The following C1QTNF7 variants were observed in gnomAD, a reference collection of about 807,000 sequenced individuals.
C1QTNF7 encodes the protein complement C1q tumor necrosis factor-related protein 7.
Under a neutral mutation model 19.6 loss-of-function variants are expected in C1QTNF7, and 15 were observed. The observed-to-expected ratio is 0.76, with a 90% CI of 0.51 to 1.18. The LOEUF (loss-of-function observed/expected upper bound fraction) is 1.18. Among genes scored for constraint, C1QTNF7 ranks in the 50% most tolerant of loss-of-function variants. The probability of loss-of-function intolerance (pLI) is 0.00; values close to 1 mark genes in which losing one functional copy is unlikely to be tolerated. For missense variants in C1QTNF7, 324 were observed against 359.7 expected, an observed-to-expected ratio of 0.90 and a Z score of 0.80; for synonymous variants, 142 against 137.5, an observed-to-expected ratio of 1.03 and a Z score of -0.23.
At chr4:15,376,306 A>G (rs1717937284) in intron 1 of C1QTNF7, among the ~76,000 whole-genome samples, 1 of 152,242 alleles carries the variant, frequency 6.6e-6, no homozygotes, top group Non-Finnish European at 1.5e-5. Flanking sequence ...AAAGTAAGTT[A>G]TTCAAATTTG....
intron 1 of C1QTNF7, among the ~76,000 whole-genome samples, chr4:15,384,665 C>A (rs867373914): frequency 1.3e-5 from 2 of 152,196 alleles, no homozygotes; most frequent in South Asian, 4.1e-4. Context: ...GGGAGTTAAT[C>A]TAAACCATAG....
At position 15,442,776 on chromosome 4, in the gene C1QTNF7, A is replaced by C; in HGVS notation, c.847A>C (p.Ile283Leu). The change falls in exon 3 of 3, where the codon ATA becomes CTA. Residue 283 changes from isoleucine to leucine, a missense_variant. Ile to Leu is a conservative substitution (Grantham distance 5). Transcript: ENST00000444304. ...CGTTGACACAGATTACCTAGATTCC[A>C]TATCAGAAGATGATGAATTGTGATC... ...LYVDTDYLDS[I>L]SEDDEL 1 of 1,609,282 alleles carries C rather than the reference A, an allele frequency of 6.2e-7. No individual in the cohort carries two copies. Among genetic ancestry groups the C allele is most frequent in the Non-Finnish European group, 8.5e-7 (1 of 1,177,834 alleles).
At chr4:15,405,278 C>G (rs1719151072) in intron 1 of C1QTNF7, among the ~76,000 whole-genome samples, 1 of 152,128 alleles carries the variant, frequency 6.6e-6, no homozygotes, top group Admixed American at 6.6e-5. Context: ...GACATTGCAT[C>G]TGTGTCAGAG....
intron 1 of C1QTNF7, among the ~76,000 whole-genome samples, chr4:15,361,467 C>T (rs1422175364): frequency 6.6e-6 from 1 of 152,104 alleles, no homozygotes; most frequent in African/African-American, 2.4e-5. Context: ...ACATTAATCG[C>T]TTACATTGCT....
rs150846082 is a variant in C1QTNF7, at chr4:15,442,328, G to A, written c.399G>A (p.Pro133=). The A allele has an allele frequency of 4.3e-5, 70 of 1,614,052 alleles. No homozygotes were observed. The African/African-American group carries it at 5.7e-4, about 13-fold the overall frequency. ...PKGDRGEQGD[P]GLPGVCRCGS... Reference sequence around the variant, plus strand: ...GAGACAGAGGAGAACAAGGGGACCCGGGGCTGCCTGGAGTTTGCAGATGTG... The same window carrying A: ...GAGACAGAGGAGAACAAGGGGACCCAGGGCTGCCTGGAGTTTGCAGATGTG... The change falls in exon 3 of 3, where the codon CCG becomes CCA. Residue 133 remains proline, a synonymous_variant. Transcript: ENST00000444304.
chr4:15,442,915 C>A lies in C1QTNF7; in HGVS notation c.*116C>A. The stretch of plus-strand genomic sequence containing the variant: ...ACTCAGATTCTAAAGCATTTAAAGA[C>A]AATTCTAGCAGAATTTATCAAAACA... On this transcript the variant is annotated 3_prime_UTR_variant, in exon 3 of 3. Coordinates refer to ENST00000444304, the MANE Select transcript of C1QTNF7 (RefSeq NM_031911.5). 8.9e-7 allele frequency: 1 copy of A among 1,122,350 alleles called. No individual in the cohort carries two copies. The highest frequency in any genetic ancestry group is 1.2e-6 in the Non-Finnish European group (1 of 810,480). 69.5% of individuals were successfully genotyped at this position (1,122,350 alleles called of 1,614,324 possible). A position where few individuals can be genotyped will look rare whatever the true frequency, so the allele number is the denominator to read the frequency against.
intron 1 of C1QTNF7, among the ~76,000 whole-genome samples, chr4:15,419,098 T>G (rs1577271174): frequency 1.3e-5 from 2 of 152,226 alleles, no homozygotes; most frequent in East Asian, 3.8e-4. Context: ...GTGGGGGAAC[T>G]TACATTCCCC....
intron 1 of C1QTNF7, among the ~76,000 whole-genome samples, chr4:15,356,919 C>T (rs1717164449): frequency 1.3e-5 from 2 of 148,244 alleles, no homozygotes; most frequent in African/African-American, 4.9e-5. Flanking sequence ...TGTTCATATC[C>T]TTCACACACT....
chr4:15,342,304 G>A (rs956758131), intron 1 of C1QTNF7, among the ~76,000 whole-genome samples: 1 of 152,182 alleles, frequency 6.6e-6, no homozygotes, highest in Non-Finnish European at 1.5e-5. Flanking sequence ...GCCAGGCTTA[G>A]TCCACGTTTC....
chr4:15,414,345 T>C (rs1215305146), intron 1 of C1QTNF7, among the ~76,000 whole-genome samples: 1 of 152,220 alleles, frequency 6.6e-6, no homozygotes, highest in Non-Finnish European at 1.5e-5. Flanking sequence ...GTAGAGGGTT[T>C]CTTTCTTTTT....
intron 1 of C1QTNF7, among the ~76,000 whole-genome samples, chr4:15,387,381 G>T (rs1047749318): frequency 1.3e-4 from 20 of 152,192 alleles, no homozygotes; most frequent in African/African-American, 4.8e-4. Context: ...TACAAGCCAT[G>T]TGGCTAGACA....
chr4:15,352,531 A>C (rs976099107), intron 1 of C1QTNF7, among the ~76,000 whole-genome samples: 1 of 152,220 alleles, frequency 6.6e-6, no homozygotes. Flanking sequence ...ATGGCCTCTG[A>C]ATAAAATGAA....
At chr4:15,340,930 G>A (rs1560334072) in intron 1 of C1QTNF7, among the ~76,000 whole-genome samples, 1 of 152,182 alleles carries the variant, frequency 6.6e-6, no homozygotes, top group East Asian at 1.9e-4. Context: ...TTGTTTTTCT[G>A]TGCATTGGTC....
intron 1 of C1QTNF7, chr4:15,373,991 G>T (rs1434576639): frequency 6.6e-6 from 1 of 152,188 alleles, no homozygotes; most frequent in Non-Finnish European, 1.5e-5. Flanking sequence ...CCAAGCAAGG[G>T]TTACTATTAC....
In C1QTNF7 at chr4:15,445,853, TTAAGAAGA is replaced by T. The variant is rs1414644480; in HGVS notation, c.*3058_*3065del. On this transcript the variant is annotated 3_prime_UTR_variant, in exon 3 of 3. Transcript: ENST00000444304. ...TTGTTCTAGAAGAGTTTAAAGCCAC[TTAAGAAGA>T]TAAATAAGATATAAAAAGAAAACAG... The T allele has an allele frequency of 2.6e-5, 4 of 152,004 alleles. No homozygotes were observed. Among genetic ancestry groups the T allele is most frequent in the Non-Finnish European group, 4.4e-5 (3 of 68,028 alleles). 9.4% of individuals were successfully genotyped at this position (152,004 alleles called of 1,614,324 possible). A position where few individuals can be genotyped will look rare whatever the true frequency, so the allele number is the denominator to read the frequency against.
intron 1 of C1QTNF7, among the ~76,000 whole-genome samples, chr4:15,347,502 T>C (rs1344818082): frequency 6.6e-6 from 1 of 152,192 alleles, no homozygotes; most frequent in Admixed American, 6.5e-5. Flanking sequence ...ACCTAGGATA[T>C]GCATGCCCTC....
At chr4:15,418,740 C>T (rs1711584361) in intron 1 of C1QTNF7, among the ~76,000 whole-genome samples, 1 of 152,186 alleles carries the variant, frequency 6.6e-6, no homozygotes, top group Admixed American at 6.5e-5. Flanking sequence ...TGGCCTCAGG[C>T]AAGTTATTTA....
intron 1 of C1QTNF7, among the ~76,000 whole-genome samples, chr4:15,382,822 T>C (rs1011874725): frequency 6.6e-6 from 1 of 152,222 alleles, no homozygotes; most frequent in African/African-American, 2.4e-5. Context: ...TGATTCTTCC[T>C]GGATCCTACT....
chr4:15,421,229 T>A (rs898219305), intron 1 of C1QTNF7, among the ~76,000 whole-genome samples: 4 of 152,108 alleles, frequency 2.6e-5, no homozygotes, highest in Non-Finnish European at 5.9e-5. Context: ...ATAATAAATG[T>A]AAGGTATTAG....
Sources: gnomAD v4.1 joint callset for allele counts (sites outside exome capture counted in the v4.1 genomes callset) on GRCh38, gnomAD v4.1.1 for gene constraint, MANE v1.5 for transcripts, NCBI Gene and HGNC (gene_info 2026-07-23, HGNC 2026-07-21) for gene names.